Variants in CEP295 observed in about 807,000 individuals in gnomAD.
CEP295 encodes centrosomal protein 295, also known as centrosomal protein of 295 kDa.
Under a neutral mutation model 291.6 loss-of-function variants are expected in CEP295, and 190 were observed. That is an observed-to-expected ratio of 0.65 (90% confidence interval 0.58 to 0.73). The LOEUF is 0.73. Among genes scored for constraint, CEP295 ranks in the 30% least tolerant of loss-of-function variants. CEP295 has a pLI of 0.00. For missense variants in CEP295, 2,863 were observed against 2,949.4 expected (o/e 0.97, Z 0.68); for synonymous variants, 993 against 1,038.8 (o/e 0.96, Z 0.85).
rs1953991812 is a variant in CEP295 at position 93,724,502 on chromosome 11, C to T, written c.6318+127C>T. ...ACATGGAAGTCTGGGCACAGTGGCT[C>T]ACACCTGTAATCCCAGCACTTTGAG... On this transcript the variant is annotated intron_variant, in intron 22 of 29. Transcript: ENST00000325212. The T allele has an allele frequency of 4.3e-6, 4 of 935,544 alleles. No individual in the cohort carries two copies. The East Asian group carries it at 1.1e-4, about 25-fold the overall frequency. The allele number at this position is 935,544 out of a possible 1,614,324, so 58.0% of individuals were successfully genotyped here. A position where few individuals can be genotyped will look rare whatever the true frequency, so the allele number is the denominator to read the frequency against.
intron 17 of CEP295, among the ~76,000 whole-genome samples, chr11:93,703,767 C>CT (rs748490554): frequency 0.086 from 10,965 of 127,900 alleles, 773 homozygotes; most frequent in Non-Finnish European, 0.13. Context: ...CCCTGTAATT[C>CT]TTTTTTTTTT....
At position 93,673,559 on chromosome 11, in the gene CEP295, TCTCGGCTCC is replaced by T. The variant is rs1264096067; in HGVS notation, c.529-2009_529-2001del. On this transcript the variant is annotated intron_variant, in intron 5 of 29. Coordinates refer to ENST00000325212, the MANE Select transcript of CEP295 (RefSeq NM_033395.2). ...CCCAGGCTGGAGGGCAGTGGTGCAG[TCTCGGCTCC>T]CTGCAACCTCTGCCTCCTGGGTTCA... is the stretch of plus-strand genomic sequence containing the variant. 4.6e-5 allele frequency among the ~76,000 whole-genome samples: 7 copies of T among 152,198 alleles called. No homozygotes were observed. In the East Asian group the frequency reaches 1.4e-3, roughly 29 times the overall value.
Position 93,702,912 on chromosome 11 carries a change from T to C in CEP295, c.5589T>C (p.Ser1863=). The change falls in exon 17 of 30, where the codon TCT becomes TCC. Residue 1863 remains serine, a synonymous_variant. Transcript: ENST00000325212. The part of the protein sequence containing the change: ...EVESPAIGRT[S]ILGKPGIYED... ...AGTCACCAGCAATTGGCAGAACTTC[T>C]ATACTAGGTAAATAGATGCTTTGAT... 1.3e-6 allele frequency: 2 copies of C among 1,540,326 alleles called. No homozygotes were observed. The highest frequency in any genetic ancestry group is 1.7e-6 in the Non-Finnish European group (2 of 1,144,020).
chr11:93,685,168 T>G (rs766495407), intron 9 of CEP295, among the ~76,000 whole-genome samples: 1 of 152,248 alleles, frequency 6.6e-6, no homozygotes, highest in Non-Finnish European at 1.5e-5. Flanking sequence ...CATGTCTCCT[T>G]AAAGACCAAG....
chr11:93,699,995 T>C lies in CEP295; in HGVS notation c.5083T>C (p.Leu1695=), dbSNP rs1054284872. 1.3e-6 allele frequency: 2 copies of C among 1,551,608 alleles called. No homozygotes were observed. The highest frequency in any genetic ancestry group is 2.4e-5 in the East Asian group (1 of 40,916). The stretch of plus-strand genomic sequence containing the variant: ...GATCCCAGGGTTTCAAGATAGACTT[T>C]TGAGTTTTTCACAGTCTGTCTTAAC... ...PVIPGFQDRL[L]SFSQSVLTQQ... The change falls in exon 15 of 30, where the codon TTG becomes CTG. Residue 1695 remains leucine, a synonymous_variant. Coordinates refer to ENST00000325212, the MANE Select transcript of CEP295 (RefSeq NM_033395.2).
Position 93,699,338 on chromosome 11 carries a change from AC to A in CEP295, c.4429del (p.Gln1477ArgfsTer36). On this transcript the variant is annotated frameshift_variant, in exon 15 of 30. Transcript: ENST00000325212. LOFTEE classifies it high-confidence loss of function. ...QTDFLPSIEK[T>X]QKELVLSKPC... ...AGATTTCCTTCCTTCTATTGAGAAA[AC>A]CCAGAAAGAATTGGTTTTGTCAAAA... The A allele has an allele frequency of 1.3e-6, 2 of 1,551,994 alleles. No homozygotes were observed. Among genetic ancestry groups the A allele is most frequent in the Non-Finnish European group, 1.7e-6 (2 of 1,147,062 alleles).
chr11:93,721,921 A>G (rs1420159188), intron 19 of CEP295, 33 bp from the exon 20 acceptor site: 2 of 1,460,650 alleles, frequency 1.4e-6, no homozygotes, highest in South Asian at 1.1e-5. Context: ...ACTACTTGCT[A>G]CATTGTGGTA....
chr11:93,713,755 C>G (rs1218671226), intron 18 of CEP295, among the ~76,000 whole-genome samples: 5 of 152,146 alleles, frequency 3.3e-5, no homozygotes, highest in Non-Finnish European at 7.3e-5. Context: ...CAAACTCTAT[C>G]CCTGTCTCTC....
chr11:93,726,757 T>C (rs1298804230), intron 23 of CEP295: 5 of 410,096 alleles, frequency 1.2e-5, no homozygotes, highest in Non-Finnish European at 2.2e-5. Context: ...ATTGTCCTTA[T>C]TAAATATTAA....
At position 93,697,175 on chromosome 11, in the gene CEP295, T is replaced by A. The variant is rs181046308; in HGVS notation, c.2263T>A (p.Phe755Ile). ...GGATGCTAGAAAAATATCTGAAACA[T>A]TTGGGGCAACAACTTTTCAAAGTTT... is the stretch of plus-strand genomic sequence containing the variant. ...SQDARKISET[F>I]GATTFQSLES... Residue 755 changes from phenylalanine (F) to isoleucine (I), a missense_variant, in exon 15 of 30, where the codon TTT (phenylalanine) becomes ATT (isoleucine). Transcript: ENST00000325212. The A allele has an allele frequency of 6.4e-7, 1 of 1,551,864 alleles. No homozygotes were observed. Among genetic ancestry groups the A allele is most frequent in the African/African-American group, 1.4e-5 (1 of 73,166 alleles).
chr11:93,675,629 T>G lies in CEP295; in HGVS notation c.587T>G (p.Leu196Arg), dbSNP rs1033492178. ...ACCAATAGTTCTACCTACCATCATCTTCACACTTTTGTGAATAGAGAGACA... is the reference window on the plus strand; with the variant it reads ...ACCAATAGTTCTACCTACCATCATCGTCACACTTTTGTGAATAGAGAGACA... ...VKTNSSTYHH[L>R]HTFVNRETDT... The change falls in exon 6 of 30, where the codon CTT (leucine) becomes CGT (arginine). Residue 196 changes from leucine to arginine, a missense_variant. Around this residue, in one of 3 missense-constraint regions of CEP295, gnomAD observed 554 missense variants for 576.0 expected, o/e 0.96. Transcript: ENST00000325212. 1 of 1,511,012 alleles carries G rather than the reference T, an allele frequency of 6.6e-7. No individual in the cohort carries two copies. The highest frequency in any genetic ancestry group is 8.8e-7 in the Non-Finnish European group (1 of 1,131,622). 93.6% of individuals were successfully genotyped at this position (1,511,012 alleles called of 1,614,324 possible). A position where few individuals can be genotyped will look rare whatever the true frequency, so the allele number is the denominator to read the frequency against.
At chr11:93,714,892 G>A (rs1591123525) in intron 18 of CEP295, among the ~76,000 whole-genome samples, 1 of 152,158 alleles carries the variant, frequency 6.6e-6, no homozygotes, top group East Asian at 1.9e-4. Context: ...TGGGGGGAGG[G>A]GTGACACAAG....
chr11:93,692,660 A>G (rs911762434), intron 12 of CEP295, among the ~76,000 whole-genome samples: 4 of 151,608 alleles, frequency 2.6e-5, no homozygotes, highest in African/African-American at 7.3e-5. Context: ...ACGTCTTGCT[A>G]TGTTGCCCAA....
chr11:93,692,989 A>AC (rs1289243594), intron 12 of CEP295, among the ~76,000 whole-genome samples: 1 of 146,342 alleles, frequency 6.8e-6, no homozygotes, highest in Non-Finnish European at 1.5e-5. Flanking sequence ...AAAAAAAAAA[A>AC]ACAAAAGGCC....
intron 9 of CEP295, among the ~76,000 whole-genome samples, chr11:93,684,409 GTAAACATATCTGATAGCAA>G: frequency 6.6e-6 from 1 of 152,238 alleles, no homozygotes; most frequent in African/African-American, 2.4e-5. Context: ...AGGTTGCATG[GTAAACATATCTGATAGCAA>G]TAACTTAAGC....
intron 5 of CEP295, among the ~76,000 whole-genome samples, chr11:93,670,032 A>G (rs1304588603): frequency 1.3e-5 from 2 of 152,116 alleles, no homozygotes; most frequent in Non-Finnish European, 2.9e-5. Context: ...TTTAATACCC[A>G]GTATTTGTTC....
Position 93,729,945 on chromosome 11 carries a change from CTCTAAGGCACCAAAGGGG to C in CEP295, c.7651_7667+1del. On this transcript the variant is annotated inframe_deletion, in exon 28 of 30. Coordinates refer to ENST00000325212, the MANE Select transcript of CEP295 (RefSeq NM_033395.2). ...CCTGAAGACAGAAAGACTACACAGG[CTCTAAGGCACCAAAGGGG>C]TCTAAGGTAGGGTTAATTTTTTTTT... 6.5e-7 allele frequency: 1 copy of C among 1,544,346 alleles called. No individual in the cohort carries two copies. Among genetic ancestry groups the C allele is most frequent in the Non-Finnish European group, 8.7e-7 (1 of 1,145,250 alleles).
Position 93,728,737 on chromosome 11 carries a change from C to T in CEP295, c.7218C>T (p.Thr2406=). The T allele has an allele frequency of 6.5e-7, 1 of 1,549,848 alleles. No individual in the cohort carries two copies. The highest frequency in any genetic ancestry group is 8.7e-7 in the Non-Finnish European group (1 of 1,145,942). Residue 2406 remains threonine (T), a synonymous_variant, in exon 25 of 30, where the codon ACC becomes ACT. Coordinates refer to ENST00000325212, the MANE Select transcript of CEP295 (RefSeq NM_033395.2). ...AACCAGAACTTACTTTAATAAGCAC[C>T]ACTGATACCAGTATTGCTGAAATGG... ...MEEPELTLIS[T]TDTSIAEMDF... is the part of the protein sequence containing the mutation.
chr11:93,706,854 G>C lies in CEP295; in HGVS notation c.5706G>C (p.Leu1902=), dbSNP rs753404610. ...LAHDPFSCLQ[L]VGQENVCGDD... ...ATGATCCGTTTAGTTGTCTTCAACT[G>C]GTTGGCCAAGAGAATGTCTGTGGTG... Residue 1902 remains leucine, a synonymous_variant, in exon 18 of 30, where the codon CTG becomes CTC. Transcript: ENST00000325212. 3.2e-6 allele frequency: 5 copies of C among 1,547,762 alleles called. No individual in the cohort carries two copies. The South Asian group carries it at 3.6e-5, about 11-fold the overall frequency.
Sources: gnomAD v4.1 joint callset for allele counts (sites outside exome capture counted in the v4.1 genomes callset) on GRCh38, gnomAD v4.1.1 for gene constraint, gnomAD v4.1.1 regional missense constraint, MANE v1.5 for transcripts, NCBI Gene and HGNC (gene_info 2026-07-23, HGNC 2026-07-21) for gene names.